Variants in CTSD observed in about 807,000 individuals in gnomAD.
The protein encoded by CTSD is cathepsin D.
CTSD carries 28 observed loss-of-function variants against 43.6 expected under a neutral mutation model. The observed-to-expected ratio is 0.64, with a 90% CI of 0.48 to 0.88. The LOEUF (loss-of-function observed/expected upper bound fraction) is 0.88. Ranked by LOEUF, CTSD falls within the 40% of genes least tolerant of loss-of-function variation. The pLI is 0.00. For synonymous variants in CTSD, 270 were observed against 249.8 expected (o/e 1.08, Z -0.76); for missense variants, 485 against 555.2 (o/e 0.87, Z 1.27).
At chr11:1,759,113 C>G (rs1159798905) in intron 3 of CTSD, 26 bp from the exon 4 acceptor site, 2 of 1,524,838 alleles carry the variant, frequency 1.3e-6, no homozygotes, top group Non-Finnish European at 1.8e-6. Flanking sequence ...AGGGGGCCCG[C>G]CGGTCATCCC....
intron 1 of CTSD, chr11:1,763,513 C>T: frequency 2.3e-6 from 1 of 433,184 alleles, no homozygotes; most frequent in South Asian, 3.5e-5. Flanking sequence ...TCCAGGGAGG[C>T]TGCGGTCAGT....
At position 1,754,157 on chromosome 11, in the gene CTSD, T is replaced by A; in HGVS notation, c.828-19A>T. Reference sequence around the variant, plus strand: ...CTCCACCCTGCGGGGAGTCAGGGCGTGAAGCCCCTGCCGGGACTGGAGTGT... The same window carrying A: ...CTCCACCCTGCGGGGAGTCAGGGCGAGAAGCCCCTGCCGGGACTGGAGTGT... On this transcript the variant is annotated intron_variant, in intron 6 of 8. Transcript: ENST00000236671. 1 of 1,604,360 alleles carries A rather than the reference T, an allele frequency of 6.2e-7. No homozygotes were observed. The highest frequency in any genetic ancestry group is 2.2e-5 in the East Asian group (1 of 44,674).
Position 1,753,477 on chromosome 11 carries a change from G to C in CTSD, c.*26C>G. The C allele has an allele frequency of 6.2e-7, 1 of 1,612,764 alleles. No homozygotes were observed. Among genetic ancestry groups the C allele is most frequent in the South Asian group, 1.1e-5 (1 of 91,078 alleles). On this transcript the variant is annotated 3_prime_UTR_variant, in exon 9 of 9. Transcript: ENST00000236671. ...TGCTCTGGGACTCTCCTCTGTTTCT[G>C]TGCTGGCGCGCGGACGCCTTGGGAA...
rs764025297 is a variant in CTSD at position 1,761,480 on chromosome 11, G to A, written c.69-12C>T. ...TGTGCAGCGGGATCCTGTCAACCAC[G>A]GGTCGGGGCATATCAGGGAGGCCCT... On this transcript the variant is annotated splice_polypyrimidine_tract_variant and intron_variant, in intron 1 of 8. Coordinates refer to ENST00000236671, the MANE Select transcript of CTSD (RefSeq NM_001909.5). 9.3e-6 allele frequency: 15 copies of A among 1,613,680 alleles called. No homozygotes were observed. Among genetic ancestry groups the A allele is most frequent in the South Asian group, 2.2e-5 (2 of 91,078 alleles).
intron 4 of CTSD, among the ~76,000 whole-genome samples, chr11:1,758,201 C>T (rs1565021595): frequency 6.6e-6 from 1 of 152,158 alleles, no homozygotes; most frequent in East Asian, 1.9e-4. Context: ...TGGACTCCAG[C>T]CCAGCAGGGA....
At position 1,757,523 on chromosome 11, in the gene CTSD, G is replaced by A. The variant is rs768487717; in HGVS notation, c.505C>T (p.Leu169=). ...PCQSASSASA[L]GGVKVERQVF... ...TGCCTCTCCACTTTGACACCGCCCA[G>A]GGCAGAGGCTGACGACGCTGACTGG... Residue 169 remains leucine (L), a synonymous_variant, in exon 5 of 9, where the codon CTG becomes TTG. Coordinates refer to ENST00000236671, the MANE Select transcript of CTSD (RefSeq NM_001909.5). 1 of 1,613,344 alleles carries A rather than the reference G, an allele frequency of 6.2e-7. No individual in the cohort carries two copies. The highest frequency in any genetic ancestry group is 1.1e-5 in the South Asian group (1 of 91,060).
At chr11:1,756,127 A>G (rs967979755) in intron 5 of CTSD, among the ~76,000 whole-genome samples, 4 of 127,262 alleles carry the variant, frequency 3.1e-5, no homozygotes, top group Non-Finnish European at 5.0e-5. Flanking sequence ...CCTCCCCCAC[A>G]TGGGCACTCA....
rs534537090 is a variant in CTSD, at chr11:1,755,691, C to T, written c.705-663G>A. On this transcript the variant is annotated intron_variant, in intron 5 of 8. Coordinates refer to ENST00000236671, the MANE Select transcript of CTSD (RefSeq NM_001909.5). ...CTGCCGGTCCTGGTAGAGAAGCTCT[C>T]TGTGTCTGGGGCGGTTCTGCCATCC... is the stretch of plus-strand genomic sequence containing the variant. Among the ~76,000 whole-genome samples, 5 of 152,302 alleles carry T rather than the reference C, an allele frequency of 3.3e-5. No individual in the cohort carries two copies. The East Asian group carries it at 9.7e-4, about 29-fold the overall frequency.
At chr11:1,761,009 G>A (rs1025593322) in intron 2 of CTSD, 9 of 448,312 alleles carry the variant, frequency 2.0e-5, no homozygotes, top group East Asian at 9.3e-5. Flanking sequence ...CAGGTCAGCC[G>A]GCCACACTCA....
At position 1,757,419 on chromosome 11, in the gene CTSD, G is replaced by A; in HGVS notation, c.609C>T (p.Tyr203=). Reference sequence around the variant, plus strand: ...GCACGTTGTTGACGGAGATGCGGGGGTAGGCCATGCCCAGGATGCCATCGA... The same window carrying A: ...GCACGTTGTTGACGGAGATGCGGGGATAGGCCATGCCCAGGATGCCATCGA... ...AKFDGILGMA[Y]PRISVNNVLP... is the part of the protein sequence containing the mutation. The change falls in exon 5 of 9, where the codon TAC becomes TAT. Residue 203 remains tyrosine (Y), a synonymous_variant. Coordinates refer to ENST00000236671, the MANE Select transcript of CTSD (RefSeq NM_001909.5). 1 of 1,614,182 alleles carries A rather than the reference G, an allele frequency of 6.2e-7. No homozygotes were observed. Among genetic ancestry groups the A allele is most frequent in the Non-Finnish European group, 8.5e-7 (1 of 1,180,040 alleles).
chr11:1,763,724 C>T, intron 1 of CTSD, 68 bp downstream of exon 1: 2 of 1,419,546 alleles, frequency 1.4e-6, no homozygotes, highest in Non-Finnish European at 1.9e-6. Flanking sequence ...GCGAAAGTCA[C>T]CACAGGCCCC....
rs1350699333 is a variant in CTSD, at chr11:1,753,423, T to C, written c.*80A>G. ...GGGCGGGCGAGTGTGTGGGTGTGTG[T>C]GGGAGGGGCCGCTGGGCCAGGGGCC... On this transcript the variant is annotated 3_prime_UTR_variant, in exon 9 of 9. Transcript: ENST00000236671. The C allele has an allele frequency of 2.6e-6, 4 of 1,550,020 alleles. No homozygotes were observed. The East Asian group carries it at 9.0e-5, about 35-fold the overall frequency.
intron 1 of CTSD, chr11:1,762,157 C>T (rs1462138047): frequency 1.3e-5 from 2 of 159,598 alleles, no homozygotes; most frequent in African/African-American, 2.4e-5. Flanking sequence ...TGCGGCTCCA[C>T]GAGGTCCAGG....
rs1263192570 is a variant in CTSD at position 1,757,332 on chromosome 11, G to A, written c.696C>T (p.Tyr232=). Residue 232 remains tyrosine (Y), a synonymous_variant, in exon 5 of 9, where the codon TAC becomes TAT. Coordinates refer to ENST00000236671, the MANE Select transcript of CTSD (RefSeq NM_001909.5). The stretch of plus-strand genomic sequence containing the variant: ...GGAACCCACACGCCCACCTGCTCAG[G>A]TAGAAGGAGAAGATGTTCTGGTCCA... ...KLVDQNIFSF[Y]LSRDPDAQPG... is the part of the protein sequence containing the mutation. 2 of 1,613,516 alleles carry A rather than the reference G, an allele frequency of 1.2e-6. No homozygotes were observed. Among genetic ancestry groups the A allele is most frequent in the East Asian group, 2.2e-5 (1 of 44,882 alleles).
At chr11:1,756,462 AG>A (rs1190766388) in intron 5 of CTSD, among the ~76,000 whole-genome samples, 3 of 152,328 alleles carry the variant, frequency 2.0e-5, no homozygotes, top group Non-Finnish European at 4.4e-5. Flanking sequence ...ATCCAAGGTT[AG>A]GGGTCAGGCC....
intron 4 of CTSD, chr11:1,758,106 G>A (rs1217126226): frequency 9.7e-6 from 2 of 205,478 alleles, no homozygotes; most frequent in East Asian, 2.4e-4. Context: ...GGCAGAAGAG[G>A]GCGGAAGAGG....
chr11:1,754,322 G>C, intron 6 of CTSD, 184 bp from the exon 7 acceptor site: 1 of 676,856 alleles, frequency 1.5e-6, no homozygotes, highest in South Asian at 1.8e-5. Flanking sequence ...GAGTGGTAGA[G>C]GGGGTGGGAG....
At position 1,757,510 on chromosome 11, in the gene CTSD, T is replaced by A. The variant is rs746140722; in HGVS notation, c.518A>T (p.Lys173Ile). 8 of 1,613,748 alleles carry A rather than the reference T, an allele frequency of 5.0e-6. No homozygotes were observed. Among genetic ancestry groups the A allele is most frequent in the Non-Finnish European group, 5.9e-6 (7 of 1,179,990 alleles). ...CTCCCCAAAGACCTGCCTCTCCACTTTGACACCGCCCAGGGCAGAGGCTGA... is the reference window on the plus strand; with the variant it reads ...CTCCCCAAAGACCTGCCTCTCCACTATGACACCGCCCAGGGCAGAGGCTGA... ...ASSASALGGV[K>I]VERQVFGEAT... Residue 173 changes from lysine to isoleucine, a missense_variant, in exon 5 of 9, where the codon AAA becomes ATA. Lys to Ile is a moderately radical substitution (Grantham distance 102, BLOSUM62 -3). Coordinates refer to ENST00000236671, the MANE Select transcript of CTSD (RefSeq NM_001909.5).
At chr11:1,754,161 GC>G in intron 6 of CTSD, 23 bp from the exon 7 acceptor site, 1 of 1,603,048 alleles carries the variant, frequency 6.2e-7, no homozygotes, top group East Asian at 2.2e-5. Context: ...AGGGCGTGAA[GC>G]CCCTGCCGGG....
Sources: allele counts gnomAD v4.1 joint callset (sites outside exome capture counted in the v4.1 genomes callset), GRCh38; gene constraint gnomAD v4.1.1; transcripts MANE v1.5; gene names NCBI Gene and HGNC (gene_info 2026-07-23, HGNC 2026-07-21).